The following ST6GALNAC3 variants were observed in gnomAD, a reference collection of about 807,000 sequenced individuals.
The protein encoded by ST6GALNAC3 is ST6 N-acetylgalactosaminide alpha-2,6-sialyltransferase 3.
ST6GALNAC3 carries 25 observed loss-of-function variants against 32.7 expected under a neutral mutation model. That is an observed-to-expected ratio of 0.76 (90% CI 0.56 to 1.07). The LOEUF (loss-of-function observed/expected upper bound fraction) is 1.07, where lower values mean the gene tolerates loss of function less well. ST6GALNAC3 is among the 50% of genes least tolerant of loss of function. The probability of loss-of-function intolerance (pLI) is 0.00; values close to 1 mark genes in which losing one functional copy is unlikely to be tolerated. For missense variants in ST6GALNAC3, 355 were observed against 382.4 expected (o/e 0.93, Z 0.60); for synonymous variants, 129 against 133.1 (o/e 0.97, Z 0.21).
chr1:76,205,364 C>T (rs1383831582), intron 1 of ST6GALNAC3, among the ~76,000 whole-genome samples: 1 of 152,080 alleles, frequency 6.6e-6, no homozygotes, highest in East Asian at 1.9e-4. Flanking sequence ...TGATGGTGGG[C>T]AGGTCACTAC....
At chr1:76,111,762 C>T (rs1477132070) in intron 1 of ST6GALNAC3, among the ~76,000 whole-genome samples, 5 of 150,348 alleles carry the variant, frequency 3.3e-5, no homozygotes, top group Admixed American at 6.6e-5. Context: ...GGGGTAAGGT[C>T]ACAGATCAAC....
At chr1:76,333,281 G>A (rs543215928) in intron 2 of ST6GALNAC3, among the ~76,000 whole-genome samples, 1 of 152,200 alleles carries the variant, frequency 6.6e-6, no homozygotes, top group Non-Finnish European at 1.5e-5. Context: ...ACCAGTGATT[G>A]GAAAGTTCAA....
At chr1:76,520,217 A>G (rs965543743) in intron 3 of ST6GALNAC3, among the ~76,000 whole-genome samples, 2 of 152,140 alleles carry the variant, frequency 1.3e-5, no homozygotes, top group Non-Finnish European at 2.9e-5. Flanking sequence ...ATGAGAAGTA[A>G]TGGTAAATAC....
At chr1:76,392,765 G>C (rs1436364284) in intron 2 of ST6GALNAC3, among the ~76,000 whole-genome samples, 1 of 152,176 alleles carries the variant, frequency 6.6e-6, no homozygotes, top group Non-Finnish European at 1.5e-5. Context: ...AAAAACCAGA[G>C]CAAGGGTCAA....
chr1:76,178,694 G>C (rs1350906472), intron 1 of ST6GALNAC3, among the ~76,000 whole-genome samples: 1 of 152,188 alleles, frequency 6.6e-6, no homozygotes, highest in Non-Finnish European at 1.5e-5. Context: ...GAGGGACAAT[G>C]AATGAGCTTT....
At chr1:76,492,545 C>A (rs1268724983) in intron 3 of ST6GALNAC3, among the ~76,000 whole-genome samples, 1 of 151,892 alleles carries the variant, frequency 6.6e-6, no homozygotes, top group Non-Finnish European at 1.5e-5. Flanking sequence ...AATAATGAAC[C>A]CCACCTGTGC....
At position 76,139,368 on chromosome 1, in the gene ST6GALNAC3, A is replaced by C. The variant is rs202221711; in HGVS notation, c.18+64484A>C. ...CTCTTACAAATATACATATAAACATATACACATATAAACATACACACATAG... is the reference window on the plus strand; with the variant it reads ...CTCTTACAAATATACATATAAACATCTACACATATAAACATACACACATAG... On this transcript the variant is annotated intron_variant, in intron 1 of 4. Transcript: ENST00000328299. Among the ~76,000 whole-genome samples the C allele has an allele frequency of 5.9e-5, 9 of 152,220 alleles. No homozygotes were observed. The East Asian group carries it at 1.7e-3, about 29-fold the overall frequency.
intron 3 of ST6GALNAC3, among the ~76,000 whole-genome samples, chr1:76,585,214 A>G (rs753020771): frequency 1.5e-4 from 23 of 152,068 alleles, no homozygotes; most frequent in Admixed American, 5.2e-4. Flanking sequence ...GTGAAACCCC[A>G]TCTCTACTAA....
At chr1:76,128,382 A>G (rs1649395269) in intron 1 of ST6GALNAC3, among the ~76,000 whole-genome samples, 1 of 152,218 alleles carries the variant, frequency 6.6e-6, no homozygotes, top group South Asian at 2.1e-4. Context: ...CAAATGCCAT[A>G]TGATGAATAC....
At chr1:76,465,689 G>T (rs1658574961) in intron 3 of ST6GALNAC3, among the ~76,000 whole-genome samples, 1 of 152,044 alleles carries the variant, frequency 6.6e-6, no homozygotes, top group Admixed American at 6.6e-5. Context: ...GACTAGGAAA[G>T]AATGGGATAG....
At chr1:76,504,745 A>C (rs1036838685) in intron 3 of ST6GALNAC3, among the ~76,000 whole-genome samples, 5 of 152,166 alleles carry the variant, frequency 3.3e-5, no homozygotes, top group Non-Finnish European at 7.3e-5. Context: ...GTGAGGTTTT[A>C]ATATTGTAAG....
chr1:76,613,489 G>A (rs1648075254), intron 3 of ST6GALNAC3, among the ~76,000 whole-genome samples: 2 of 152,190 alleles, frequency 1.3e-5, no homozygotes, highest in Admixed American at 6.5e-5. Flanking sequence ...ACCCAACTCT[G>A]GATGTAAATG....
At chr1:76,283,914 C>A (rs1659635224) in intron 1 of ST6GALNAC3, among the ~76,000 whole-genome samples, 1 of 152,104 alleles carries the variant, frequency 6.6e-6, no homozygotes, top group Non-Finnish European at 1.5e-5. Context: ...ATGTTGTAAA[C>A]CTAACTTAGT....
intron 3 of ST6GALNAC3, among the ~76,000 whole-genome samples, chr1:76,518,700 A>G (rs1202364262): frequency 6.6e-6 from 1 of 152,128 alleles, no homozygotes; most frequent in Non-Finnish European, 1.5e-5. Flanking sequence ...ATGATCATCA[A>G]CATATATATT....
At chr1:76,488,628 T>C (rs1307898260) in intron 3 of ST6GALNAC3, among the ~76,000 whole-genome samples, 2 of 152,132 alleles carry the variant, frequency 1.3e-5, no homozygotes, top group Non-Finnish European at 2.9e-5. Context: ...ATTCAAGACA[T>C]TGTAAAATAA....
At chr1:76,394,418 T>C (rs1020128861) in intron 2 of ST6GALNAC3, among the ~76,000 whole-genome samples, 1 of 152,238 alleles carries the variant, frequency 6.6e-6, no homozygotes, top group Non-Finnish European at 1.5e-5. Flanking sequence ...CTGGTACTAA[T>C]AGCTTGTATT....
At chr1:76,093,904 C>T (rs1355180834) in intron 1 of ST6GALNAC3, among the ~76,000 whole-genome samples, 3 of 152,248 alleles carry the variant, frequency 2.0e-5, no homozygotes, top group Non-Finnish European at 4.4e-5. Context: ...GAGTTCTAAG[C>T]TGCTGCTGTG....
At chr1:76,117,487 C>T (rs908950704) in intron 1 of ST6GALNAC3, among the ~76,000 whole-genome samples, 2 of 152,200 alleles carry the variant, frequency 1.3e-5, no homozygotes, top group South Asian at 4.1e-4. Context: ...GAAGGTGATG[C>T]AAACAGCAAT....
intron 3 of ST6GALNAC3, among the ~76,000 whole-genome samples, chr1:76,419,730 T>C (rs1259179713): frequency 6.6e-6 from 1 of 152,152 alleles, no homozygotes; most frequent in African/African-American, 2.4e-5. Flanking sequence ...CGCCCATCTG[T>C]ACTACTAGAT....
Sources: gnomAD v4.1 joint callset for allele counts (sites outside exome capture counted in the v4.1 genomes callset) on GRCh38, gnomAD v4.1.1 for gene constraint, MANE v1.5 for transcripts, NCBI Gene and HGNC (gene_info 2026-07-23, HGNC 2026-07-21) for gene names.